Variants in TBP observed in about 807,000 individuals in gnomAD.
TBP encodes the protein TATA-box-binding protein.
TBP carries 12 observed loss-of-function variants against 46.2 expected under a neutral mutation model. That is an observed-to-expected ratio of 0.26 (90% CI 0.17 to 0.42). The LOEUF is 0.42. Ranked by LOEUF, TBP falls within the 10% of genes least tolerant of loss-of-function variation. The pLI, the probability that TBP is intolerant of heterozygous loss-of-function variation, is 1.00. For missense variants in TBP, 229 were observed against 403.1 expected, an observed-to-expected ratio of 0.57 and a Z score of 3.70; for synonymous variants, 157 against 148.3, an observed-to-expected ratio of 1.06 and a Z score of -0.42.
chr6:170,562,883 C>T (rs1459565304), intron 3 of TBP, among the ~76,000 whole-genome samples: 2 of 152,194 alleles, frequency 1.3e-5, no homozygotes, highest in African/African-American at 4.8e-5. Context: ...TAAAAGGTTA[C>T]TTGCAGTCTC....
At position 170,561,838 on chromosome 6, in the gene TBP, T is replaced by C; in HGVS notation, c.102T>C (p.Tyr34=). The C allele has an allele frequency of 6.2e-7, 1 of 1,613,820 alleles. No individual in the cohort carries two copies. The highest frequency in any genetic ancestry group is 8.5e-7 in the Non-Finnish European group (1 of 1,179,786). The stretch of plus-strand genomic sequence containing the variant: ...CTATCTTTAGTCCAATGATGCCTTA[T>C]GGCACTGGACTGACCCCACAGCCTA... ...GIPIFSPMMP[Y]GTGLTPQPIQ... The change falls in exon 3 of 8, where the codon TAT becomes TAC. Residue 34 remains tyrosine, a synonymous_variant. Coordinates refer to ENST00000392092, the MANE Select transcript of TBP (RefSeq NM_003194.5).
chr6:170,570,581 C>T (rs1188221784), intron 6 of TBP, among the ~76,000 whole-genome samples: 1 of 152,102 alleles, frequency 6.6e-6, no homozygotes, highest in Non-Finnish European at 1.5e-5. Context: ...ACCTGTAATC[C>T]CAGCATTTTG....
chr6:170,563,797 A>G (rs550964384), intron 3 of TBP, among the ~76,000 whole-genome samples: 97 of 152,372 alleles, frequency 6.4e-4, no homozygotes, highest in African/African-American at 2.2e-3. Flanking sequence ...GGCATTGCCC[A>G]TTTCAACTAT....
intron 5 of TBP, 28 bp from the exon 6 acceptor site, chr6:170,569,584 G>A (rs778434821): frequency 6.2e-7 from 1 of 1,602,900 alleles, no homozygotes; most frequent in Non-Finnish European, 8.5e-7. Context: ...CTCTGAGTAT[G>A]AATAACTCAC....
intron 5 of TBP, among the ~76,000 whole-genome samples, chr6:170,567,792 CTA>C (rs955363831): frequency 2.0e-5 from 3 of 152,134 alleles, no homozygotes; most frequent in African/African-American, 7.2e-5. Context: ...ATGTCATTGC[CTA>C]TATTCTCCAT....
Position 170,562,282 on chromosome 6 carries a change from G to T in TBP, c.497+49G>T, listed in dbSNP as rs190355799. The T allele has an allele frequency of 2.6e-4, 406 of 1,557,590 alleles. 2 individuals are homozygous for T. In the African/African-American group the frequency reaches 4.9e-3, roughly 19 times the overall value. On this transcript the variant is annotated intron_variant, in intron 3 of 7. Coordinates refer to ENST00000392092, the MANE Select transcript of TBP (RefSeq NM_003194.5). ...TCCTCCCACTTAGGAGTCCCTTTGA[G>T]TTATGTTCCTGCTCTGTTTTCAGAT...
intron 3 of TBP, among the ~76,000 whole-genome samples, chr6:170,563,224 A>T (rs2114995946): frequency 6.6e-6 from 1 of 152,294 alleles, no homozygotes; most frequent in East Asian, 1.9e-4. Flanking sequence ...AGGAATATTT[A>T]AGTTTGCATT....
Position 170,565,592 on chromosome 6 carries a change from T to G in TBP, c.585+960T>G, listed in dbSNP as rs567179762. Among the ~76,000 whole-genome samples the G allele has an allele frequency of 2.0e-5, 3 of 152,344 alleles. No homozygotes were observed. In the South Asian group the frequency reaches 6.2e-4, roughly 32 times the overall value. ...AATCTTTCATCTATTATAATCACAT[T>G]TAGTTGAATACATAATTTTATTACT... On this transcript the variant is annotated intron_variant, in intron 4 of 7. Coordinates refer to ENST00000392092, the MANE Select transcript of TBP (RefSeq NM_003194.5).
At chr6:170,559,856 A>G (rs1296977026) in intron 2 of TBP, among the ~76,000 whole-genome samples, 1 of 152,222 alleles carries the variant, frequency 6.6e-6, no homozygotes, top group Non-Finnish European at 1.5e-5. Flanking sequence ...AGGGGCTAAT[A>G]GAGCTGGTGA....
chr6:170,554,801 TCTC>T (rs1778984410), intron 1 of TBP: 1 of 152,390 alleles, frequency 6.6e-6, no homozygotes, highest in South Asian at 2.1e-4. Context: ...ATCCGCTTCT[TCTC>T]CATGTTAGAA....
intron 5 of TBP, 40 bp from the exon 6 acceptor site, chr6:170,569,572 G>T: frequency 6.3e-7 from 1 of 1,579,560 alleles, no homozygotes; most frequent in African/African-American, 1.4e-5. Context: ...TATTTTAGCT[G>T]GCTCTGAGTA....
In TBP at chr6:170,566,992, G is replaced by A; in HGVS notation, c.660G>A (p.Val220=). The change falls in exon 5 of 8, where the codon GTG becomes GTA. Residue 220 remains valine (V), a synonymous_variant. Coordinates refer to ENST00000392092, the MANE Select transcript of TBP (RefSeq NM_003194.5). The part of the protein sequence containing the change: ...TALIFSSGKM[V]CTGAKSEEQS... ...TGATTTTCAGTTCTGGGAAAATGGT[G>A]TGCACAGGAGCCAAGAGGTAGCCGT... 1 of 1,613,504 alleles carries A rather than the reference G, an allele frequency of 6.2e-7. No homozygotes were observed. Among genetic ancestry groups the A allele is most frequent in the Non-Finnish European group, 8.5e-7 (1 of 1,179,708 alleles).
Position 170,564,609 on chromosome 6 carries a change from C to T in TBP, c.562C>T (p.Arg188Ter), listed in dbSNP as rs1209911056. 7 of 1,609,236 alleles carry T rather than the reference C, an allele frequency of 4.3e-6. No homozygotes were observed. The highest frequency in any genetic ancestry group is 2.2e-5 in the East Asian group (1 of 44,746). ...LDLKTIALRA[R>*]NAEYNPKRFA... ...CCTAAAGACCATTGCACTTCGTGCC[C>T]GAAACGCCGAATATAATCCCAAGGT... The change falls in exon 4 of 8, where the codon CGA (arginine) becomes TGA (stop). Residue 188 changes from arginine to a stop codon, truncating the protein, a stop_gained. Coordinates refer to ENST00000392092, the MANE Select transcript of TBP (RefSeq NM_003194.5). LOFTEE classifies it high-confidence loss of function.
Position 170,562,109 on chromosome 6 carries a change from C to G in TBP, c.373C>G (p.Gln125Glu). The G allele has an allele frequency of 6.2e-7, 1 of 1,614,168 alleles. No homozygotes were observed. Among genetic ancestry groups the G allele is most frequent in the Non-Finnish European group, 8.5e-7 (1 of 1,180,040 alleles). Residue 125 changes from glutamine (Q) to glutamate (E), a missense_variant, in exon 3 of 8, where the codon CAG becomes GAG. Gln to Glu is a conservative substitution (Grantham distance 29). This residue lies in a region of TBP where 69 missense variants were observed against 66.2 expected (regional missense o/e 1.04). Coordinates refer to ENST00000392092, the MANE Select transcript of TBP (RefSeq NM_003194.5). The part of the protein sequence containing the change: ...SGQAPQLFHS[Q>E]TLTTAPLPGT... ...CCAGGCACCACAGCTCTTCCACTCA[C>G]AGACTCTCACAACTGCACCCTTGCC...
chr6:170,562,270 G>A (rs1394856457), intron 3 of TBP, 37 bp downstream of exon 3: 2 of 1,577,604 alleles, frequency 1.3e-6, no homozygotes, highest in African/African-American at 2.7e-5. Context: ...TCCCACTTAG[G>A]AGTCCCTTTG....
At chr6:170,569,277 A>G (rs1199486342) in intron 5 of TBP, among the ~76,000 whole-genome samples, 1 of 152,246 alleles carries the variant, frequency 6.6e-6, no homozygotes, top group Non-Finnish European at 1.5e-5. Flanking sequence ...GATCAAAATG[A>G]AGTTTGTTAG....
At position 170,556,933 on chromosome 6, in the gene TBP, T is replaced by C. The variant is rs1399571964; in HGVS notation, c.-97T>C. The C allele has an allele frequency of 9.0e-7, 1 of 1,117,004 alleles. No individual in the cohort carries two copies. Among genetic ancestry groups the C allele is most frequent in the Non-Finnish European group, 1.3e-6 (1 of 742,334 alleles). The allele number at this position is 1,117,004 out of a possible 1,614,324, so 69.2% of individuals were successfully genotyped here. ...TAACCCAAGGAATTGAGGAAGTTGC[T>C]GAGAAGAGTGTGCTGGAGATGCTCT... On this transcript the variant is annotated 5_prime_UTR_variant, in exon 2 of 8. Transcript: ENST00000392092.
chr6:170,561,124 A>G (rs1583126841), intron 2 of TBP, among the ~76,000 whole-genome samples: 2 of 152,238 alleles, frequency 1.3e-5, no homozygotes, highest in African/African-American at 2.4e-5. Flanking sequence ...ATCCTCTGTC[A>G]GCAAAAAGAT....
chr6:170,562,992 G>C (rs1236031677), intron 3 of TBP, among the ~76,000 whole-genome samples: 3 of 152,016 alleles, frequency 2.0e-5, no homozygotes, highest in African/African-American at 7.2e-5. Flanking sequence ...TTACATATAT[G>C]GTTGTTGTTT....
Sources: gnomAD v4.1 joint callset for allele counts (sites outside exome capture counted in the v4.1 genomes callset) on GRCh38, gnomAD v4.1.1 for gene constraint, gnomAD v4.1.1 regional missense constraint, MANE v1.5 for transcripts, NCBI Gene and HGNC (gene_info 2026-07-23, HGNC 2026-07-21) for gene names.